CATSPERT: variants seen among roughly 807,000 people sequenced by gnomAD.
CATSPERT encodes the protein cation channel sperm-associated targeting subunit tau.
chr2:201,601,851 C>T, the CATSPERT span: 57 of 1,603,816 alleles, frequency 3.6e-5, 1 homozygote, highest in South Asian at 2.6e-4. Context: ...TATAGAGATG[C>T]GAATGAATAA....
At chr2:201,571,905 T>G in the CATSPERT span, 10 of 1,575,250 alleles carry the variant, frequency 6.3e-6, no homozygotes, top group Non-Finnish European at 8.7e-6. Context: ...AAGTGCCACA[T>G]GATCTGACCA....
chr2:201,512,188 G>A, the CATSPERT span, among the ~76,000 whole-genome samples: 2 of 151,944 alleles, frequency 1.3e-5, no homozygotes, highest in African/African-American at 2.4e-5. Context: ...TTTCTTTTTC[G>A]TTAAAATATT....
the CATSPERT span, among the ~76,000 whole-genome samples, chr2:201,508,920 G>T: frequency 6.6e-6 from 1 of 151,742 alleles, no homozygotes; most frequent in Admixed American, 6.6e-5. Flanking sequence ...CTTGGGTATT[G>T]TGAATAATGT....
the CATSPERT span, among the ~76,000 whole-genome samples, chr2:201,526,122 A>G: frequency 6.6e-6 from 1 of 152,354 alleles, no homozygotes; most frequent in East Asian, 1.9e-4. Flanking sequence ...CTAAGAGGCC[A>G]GCATCATTCT....
At chr2:201,611,730 T>C in the CATSPERT span, among the ~76,000 whole-genome samples, 1 of 151,238 alleles carries the variant, frequency 6.6e-6, no homozygotes, top group Admixed American at 6.6e-5. Flanking sequence ...TATGAGAAAA[T>C]ATTTGTGACA....
At chr2:201,548,764 C>T in the CATSPERT span, among the ~76,000 whole-genome samples, 1 of 152,008 alleles carries the variant, frequency 6.6e-6, no homozygotes, top group East Asian at 1.9e-4. Flanking sequence ...TAATCTCATT[C>T]ATGAATATAG....
the CATSPERT span, among the ~76,000 whole-genome samples, chr2:201,532,375 G>A: frequency 6.6e-6 from 1 of 152,102 alleles, no homozygotes; most frequent in South Asian, 2.1e-4. Flanking sequence ...TTAAGAGGAG[G>A]GAATCTAAAT....
the CATSPERT span, among the ~76,000 whole-genome samples, chr2:201,565,015 T>C: frequency 4.2e-4 from 51 of 121,748 alleles, no homozygotes; most frequent in Non-Finnish European, 7.3e-4. Context: ...AATGGCAGAA[T>C]AGAAACAAGA....
At chr2:201,593,210 T>A in the CATSPERT span, among the ~76,000 whole-genome samples, 1 of 152,060 alleles carries the variant, frequency 6.6e-6, no homozygotes, top group Non-Finnish European at 1.5e-5. Flanking sequence ...TCAAAGAACA[T>A]CTTTATTTCT....
chr2:201,524,404 T>A, the CATSPERT span, among the ~76,000 whole-genome samples: 122 of 152,186 alleles, frequency 8.0e-4, no homozygotes, highest in African/African-American at 2.8e-3. Context: ...AATAAGATCA[T>A]TTTCAGACAA....
At chr2:201,511,715 G>A in the CATSPERT span, 3 of 151,728 alleles carry the variant, frequency 2.0e-5, no homozygotes, top group South Asian at 6.3e-4. Context: ...AGGAACTATT[G>A]AAAGACTGTC....
At chr2:201,527,428 C>T in the CATSPERT span, among the ~76,000 whole-genome samples, 3 of 152,034 alleles carry the variant, frequency 2.0e-5, no homozygotes, top group Admixed American at 6.5e-5. Flanking sequence ...TCATATGGAG[C>T]CAAAAAGAGC....
chr2:201,496,244 G>C, the CATSPERT span, among the ~76,000 whole-genome samples: 1 of 152,114 alleles, frequency 6.6e-6, no homozygotes. Context: ...AAATAAAATA[G>C]AATTGTCAGA....
the CATSPERT span, among the ~76,000 whole-genome samples, chr2:201,544,072 T>C: frequency 6.6e-6 from 1 of 152,182 alleles, no homozygotes; most frequent in African/African-American, 2.4e-5. Context: ...AGTGTTCTCA[T>C]TGTTCATTTC....
At chr2:201,582,604 C>A in the CATSPERT span, among the ~76,000 whole-genome samples, 1 of 152,132 alleles carries the variant, frequency 6.6e-6, no homozygotes, top group East Asian at 1.9e-4. Flanking sequence ...TCCAAATAAT[C>A]CAGATAATCC....
At chr2:201,617,301 C>T in the CATSPERT span, among the ~76,000 whole-genome samples, 18 of 152,282 alleles carry the variant, frequency 1.2e-4, no homozygotes, top group South Asian at 6.2e-4. Flanking sequence ...TTTCTGACTT[C>T]GAACTATACT....
At chr2:201,535,971 G>A in the CATSPERT span, 2 of 1,603,698 alleles carry the variant, frequency 1.2e-6, no homozygotes, top group Non-Finnish European at 1.7e-6. Context: ...TGTTGGAGAT[G>A]AATCTAAGTT....
chr2:201,505,210 G>A, the CATSPERT span, among the ~76,000 whole-genome samples: 2 of 152,040 alleles, frequency 1.3e-5, no homozygotes, highest in African/African-American at 2.4e-5. Context: ...AGTGATTCTT[G>A]TAGTTGTAAC....
the CATSPERT span, among the ~76,000 whole-genome samples, chr2:201,546,624 T>C: frequency 6.6e-6 from 1 of 152,084 alleles, no homozygotes; most frequent in Non-Finnish European, 1.5e-5. Context: ...ATAATAATTT[T>C]TAGAAGTTAA....
Sources: gnomAD v4.1 joint callset for allele counts (sites outside exome capture counted in the v4.1 genomes callset) on GRCh38, gnomAD v4.1.1 for gene constraint, MANE v1.5 for transcripts, NCBI Gene and HGNC (gene_info 2026-07-23, HGNC 2026-07-21) for gene names.